The following OLA1 variants were observed in gnomAD, a reference collection of about 807,000 sequenced individuals.
OLA1 encodes obg-like ATPase 1.
OLA1 carries 14 observed loss-of-function variants against 48.4 expected under a neutral mutation model. The observed-to-expected ratio is 0.29, with a 90% CI of 0.19 to 0.45. The LOEUF (loss-of-function observed/expected upper bound fraction) is 0.45, where lower values mean the gene tolerates loss of function less well. OLA1 is among the 20% of genes least tolerant of loss of function. The pLI, the probability that OLA1 is intolerant of heterozygous loss-of-function variation, is 1.00. For synonymous variants in OLA1, 127 were observed against 150.4 expected, an observed-to-expected ratio of 0.84 and a Z score of 1.14; for missense variants, 325 against 467.1, an observed-to-expected ratio of 0.70 and a Z score of 2.80.
In OLA1 at chr2:174,237,827, G is replaced by A. The variant is rs1349450097; in HGVS notation, c.102-8376C>T. On this transcript the variant is annotated intron_variant, in intron 2 of 10. Coordinates refer to ENST00000284719, the MANE Select transcript of OLA1 (RefSeq NM_013341.5). ...ACTGTCATTTATTATCAAGTATTACGTACTGTACATAATTGTATATGCTAT... is the reference window on the plus strand; with the variant it reads ...ACTGTCATTTATTATCAAGTATTACATACTGTACATAATTGTATATGCTAT... Among the ~76,000 whole-genome samples the A allele has an allele frequency of 3.3e-5, 5 of 152,270 alleles. No individual in the cohort carries two copies. In the East Asian group the frequency reaches 5.8e-4, roughly 18 times the overall value.
intron 10 of OLA1, among the ~76,000 whole-genome samples, chr2:174,075,883 C>G (rs1335000458): frequency 2.0e-5 from 3 of 152,134 alleles, no homozygotes; most frequent in Non-Finnish European, 2.9e-5. Context: ...CAGATCAAAC[C>G]AGGCAGAAAG....
At chr2:174,110,091 ATTTTT>A (rs199583094) in intron 7 of OLA1, among the ~76,000 whole-genome samples, 1 of 111,014 alleles carries the variant, frequency 9.0e-6, no homozygotes, top group Admixed American at 1.0e-4. Flanking sequence ...TTTGCTAAGG[ATTTTT>A]TTTTTTTTTT....
At chr2:174,116,206 G>A (rs1685778943) in intron 7 of OLA1, among the ~76,000 whole-genome samples, 2 of 152,216 alleles carry the variant, frequency 1.3e-5, no homozygotes, top group South Asian at 4.1e-4. Flanking sequence ...AAGTTCATAA[G>A]TCGGTTATTT....
intron 4 of OLA1, among the ~76,000 whole-genome samples, chr2:174,194,717 C>T (rs942857518): frequency 6.6e-6 from 1 of 152,096 alleles, no homozygotes; most frequent in Non-Finnish European, 1.5e-5. Context: ...TTTAATTGAA[C>T]AGCTAAGTAT....
At position 174,082,087 on chromosome 2, in the gene OLA1, C is replaced by T. The variant is rs754399161; in HGVS notation, c.729-23G>A. On this transcript the variant is annotated intron_variant, in intron 7 of 10. Coordinates refer to ENST00000284719, the MANE Select transcript of OLA1 (RefSeq NM_013341.5). ...AACCTGTAGACAAAAAAGGGCACAACATTATCTTGTAGTGCATGCATGACT... is the reference window on the plus strand; with the variant it reads ...AACCTGTAGACAAAAAAGGGCACAATATTATCTTGTAGTGCATGCATGACT... 5.6e-6 allele frequency: 9 copies of T among 1,612,054 alleles called. No homozygotes were observed. In the Admixed American group the frequency reaches 1.0e-4, roughly 18 times the overall value.
chr2:174,203,465 C>CTT (rs71021678), intron 4 of OLA1, among the ~76,000 whole-genome samples: 36,708 of 140,394 alleles, frequency 0.26, 5,128 homozygotes, highest in African/African-American at 0.37. Context: ...TAGCTAACAT[C>CTT]TTTTTTTTTT....
intron 7 of OLA1, among the ~76,000 whole-genome samples, chr2:174,111,997 A>G (rs1259196882): frequency 6.6e-6 from 1 of 152,222 alleles, no homozygotes; most frequent in Non-Finnish European, 1.5e-5. Flanking sequence ...TTTTAGGTAC[A>G]ATTTTTTAAA....
chr2:174,247,691 C>T lies in OLA1; in HGVS notation c.-1+761G>A, dbSNP rs902048483. The T allele has an allele frequency of 1.4e-5, 22 of 1,551,022 alleles. No individual in the cohort carries two copies. The African/African-American group carries it at 2.9e-4, about 20-fold the overall frequency. ...CCACCAGGTACTGGGGTCCTTCCAC[C>T]AAGTCCCTCCCACCTTTGGCACTGA... On this transcript the variant is annotated intron_variant, in intron 1 of 10. Coordinates refer to ENST00000284719, the MANE Select transcript of OLA1 (RefSeq NM_013341.5).
intron 10 of OLA1, among the ~76,000 whole-genome samples, chr2:174,077,300 T>A (rs1574467472): frequency 6.6e-6 from 1 of 152,154 alleles, no homozygotes; most frequent in African/African-American, 2.4e-5. Context: ...TTAGTTATGC[T>A]GCACTGGTGT....
At chr2:174,222,608 T>C (rs1268344392) in intron 4 of OLA1, among the ~76,000 whole-genome samples, 1 of 152,166 alleles carries the variant, frequency 6.6e-6, no homozygotes, top group Non-Finnish European at 1.5e-5. Flanking sequence ...AATCCTTTCA[T>C]CTCTAATAGA....
chr2:174,242,219 C>T (rs547133965), intron 2 of OLA1, among the ~76,000 whole-genome samples: 61 of 152,260 alleles, frequency 4.0e-4, no homozygotes, highest in Non-Finnish European at 5.9e-4. Context: ...AATTTTTCCA[C>T]GGACCAAGGG....
At chr2:174,095,717 T>C (rs1160113940) in intron 7 of OLA1, among the ~76,000 whole-genome samples, 2 of 152,096 alleles carry the variant, frequency 1.3e-5, no homozygotes, top group Admixed American at 6.6e-5. Context: ...TAACAAAAGA[T>C]ACTATCAAGA....
intron 4 of OLA1, among the ~76,000 whole-genome samples, chr2:174,206,453 C>G (rs1331792866): frequency 6.6e-6 from 1 of 152,126 alleles, no homozygotes; most frequent in Admixed American, 6.5e-5. Flanking sequence ...CCTCACATCC[C>G]TGAGGAATTT....
chr2:174,242,938 C>T (rs1559022981), intron 2 of OLA1, among the ~76,000 whole-genome samples: 2 of 152,116 alleles, frequency 1.3e-5, no homozygotes, highest in Non-Finnish European at 1.5e-5. Context: ...TTGCCCAGCA[C>T]GGTGGCTCAC....
intron 4 of OLA1, among the ~76,000 whole-genome samples, chr2:174,174,966 C>G (rs1304995612): frequency 1.3e-5 from 2 of 151,946 alleles, no homozygotes; most frequent in Non-Finnish European, 2.9e-5. Flanking sequence ...TGCACTTGAC[C>G]TCCTAAACAG....
At chr2:174,119,196 T>C (rs1327735330) in intron 7 of OLA1, among the ~76,000 whole-genome samples, 1 of 152,054 alleles carries the variant, frequency 6.6e-6, no homozygotes, top group Admixed American at 6.5e-5. Context: ...TTCTTTATCA[T>C]ATTCTTTTTA....
chr2:174,188,083 T>TA (rs1687693612), intron 4 of OLA1, among the ~76,000 whole-genome samples: 1 of 152,166 alleles, frequency 6.6e-6, no homozygotes, highest in African/African-American at 2.4e-5. Context: ...GTGATCATGA[T>TA]AAAACCAATG....
chr2:174,180,640 T>C (rs1296471528), intron 4 of OLA1, among the ~76,000 whole-genome samples: 1 of 152,212 alleles, frequency 6.6e-6, no homozygotes, highest in African/African-American at 2.4e-5. Flanking sequence ...CACTGTCCTG[T>C]GGACACAAAA....
chr2:174,207,384 TA>T, intron 4 of OLA1, among the ~76,000 whole-genome samples: 1 of 152,284 alleles, frequency 6.6e-6, no homozygotes, highest in East Asian at 1.9e-4. Context: ...AACAGTGATA[TA>T]AAACAGAATG....
Sources: gnomAD v4.1 joint callset for allele counts (sites outside exome capture counted in the v4.1 genomes callset) on GRCh38, gnomAD v4.1.1 for gene constraint, MANE v1.5 for transcripts, NCBI Gene and HGNC (gene_info 2026-07-23, HGNC 2026-07-21) for gene names.